Variants in OR9Q1 observed in about 807,000 individuals in gnomAD.
OR9Q1 encodes the protein olfactory receptor family 9 subfamily Q member 1, also known as olfactory receptor 9Q1.
For synonymous variants in OR9Q1, 153 were observed against 148.6 expected (o/e 1.03, Z -0.22); for missense variants, 374 against 378.8 (o/e 0.99, Z 0.11).
chr11:58,140,837 G>T (rs7128761), intron 2 of OR9Q1, among the ~76,000 whole-genome samples: 19,436 of 152,194 alleles, frequency 0.13, 1,995 homozygotes, highest in African/African-American at 0.24. Context: ...GTCATTGGTA[G>T]CTTGATGGGG....
intron 2 of OR9Q1, among the ~76,000 whole-genome samples, chr11:58,067,424 T>A (rs1051196561): frequency 1.3e-5 from 2 of 152,218 alleles, no homozygotes; most frequent in African/African-American, 4.8e-5. Context: ...GGGCCTCAGT[T>A]TCCCTCTCTG....
chr11:58,042,106 C>T (rs1440455683), intron 1 of OR9Q1, among the ~76,000 whole-genome samples: 1 of 152,108 alleles, frequency 6.6e-6, no homozygotes, highest in Admixed American at 6.5e-5. Context: ...CTTTTTAAAC[C>T]GTGCTACCCT....
At chr11:58,099,324 A>T (rs1321653829) in intron 2 of OR9Q1, among the ~76,000 whole-genome samples, 1 of 148,476 alleles carries the variant, frequency 6.7e-6, no homozygotes, top group Non-Finnish European at 1.5e-5. Flanking sequence ...AATATATAAA[A>T]CATATAACAT....
chr11:58,075,438 C>A (rs1853530356), intron 2 of OR9Q1: 1 of 152,234 alleles, frequency 6.6e-6, no homozygotes, highest in African/African-American at 2.4e-5. Context: ...TGCACGGCAG[C>A]TGTGCCCCCC....
At chr11:58,094,511 TACTC>T (rs1483116840) in intron 2 of OR9Q1, among the ~76,000 whole-genome samples, 1 of 152,146 alleles carries the variant, frequency 6.6e-6, no homozygotes, top group African/African-American at 2.4e-5. Context: ...TGAATTTAAA[TACTC>T]ACAATAATGT....
intron 2 of OR9Q1, among the ~76,000 whole-genome samples, chr11:58,110,026 G>A (rs1853884252): frequency 6.6e-6 from 1 of 152,138 alleles, no homozygotes; most frequent in Admixed American, 6.5e-5. Flanking sequence ...TGTGCATGAG[G>A]GCTGCCTCTA....
chr11:58,143,781 A>G (rs1854273352), intron 2 of OR9Q1, among the ~76,000 whole-genome samples: 1 of 152,146 alleles, frequency 6.6e-6, no homozygotes, highest in Non-Finnish European at 1.5e-5. Flanking sequence ...ATGGGTTGAT[A>G]GGTGCAGCAA....
At chr11:58,090,352 T>C (rs1853672797) in intron 2 of OR9Q1, among the ~76,000 whole-genome samples, 1 of 152,142 alleles carries the variant, frequency 6.6e-6, no homozygotes. Context: ...TGTTTTAGCA[T>C]AAAGGGTGTT....
At chr11:58,100,658 T>C (rs7120102) in intron 2 of OR9Q1, among the ~76,000 whole-genome samples, 33,842 of 152,006 alleles carry the variant, frequency 0.22, 4,254 homozygotes, top group Middle Eastern at 0.38. Flanking sequence ...TTTCTTATAG[T>C]TTGTGTCTAC....
intron 2 of OR9Q1, among the ~76,000 whole-genome samples, chr11:58,159,893 C>A (rs574814458): frequency 5.9e-4 from 90 of 152,294 alleles, no homozygotes; most frequent in African/African-American, 2.1e-3. Context: ...TTGATAGATG[C>A]CTCCGTCAAG....
At chr11:58,083,761 A>G (rs796094684) in intron 2 of OR9Q1, among the ~76,000 whole-genome samples, 1 of 151,734 alleles carries the variant, frequency 6.6e-6, no homozygotes, top group East Asian at 1.9e-4. Context: ...TGAAGATCAC[A>G]TGGTTGTAGG....
chr11:58,119,163 G>A (rs148409904), intron 2 of OR9Q1: 1,132 of 1,614,038 alleles, frequency 7.0e-4, no homozygotes, highest in Non-Finnish European at 8.8e-4. Flanking sequence ...CACAGTGGCC[G>A]TAGGAGATGA....
intron 2 of OR9Q1, among the ~76,000 whole-genome samples, chr11:58,109,864 G>T (rs1037892969): frequency 1.3e-5 from 2 of 152,118 alleles, no homozygotes; most frequent in African/African-American, 4.8e-5. Context: ...CCTGAAATTG[G>T]ACCTTGGTGC....
intron 2 of OR9Q1, chr11:58,075,381 A>G (rs1034674604): frequency 1.5e-4 from 23 of 152,366 alleles, no homozygotes; most frequent in African/African-American, 5.5e-4. Context: ...TTATTAAAGC[A>G]GACAGAACTT....
chr11:58,094,210 T>C (rs1271711045), intron 2 of OR9Q1, among the ~76,000 whole-genome samples: 1 of 152,172 alleles, frequency 6.6e-6, no homozygotes, highest in East Asian at 1.9e-4. Context: ...AAATACTGAA[T>C]GTTCTTACTT....
At chr11:58,154,418 G>A (rs1408045319) in intron 2 of OR9Q1, among the ~76,000 whole-genome samples, 1 of 148,122 alleles carries the variant, frequency 6.8e-6, no homozygotes, top group African/African-American at 2.5e-5. Context: ...AGCTGAGAGA[G>A]TTGAAAAGGA....
chr11:58,093,759 C>CAAAA (rs71061572), intron 2 of OR9Q1, among the ~76,000 whole-genome samples: 10 of 35,504 alleles, frequency 2.8e-4, no homozygotes, highest in Non-Finnish European at 3.9e-4. Context: ...GACTTCATCT[C>CAAAA]AAAAAAAAAA....
At chr11:58,134,508 G>T (rs1854172683) in intron 2 of OR9Q1, among the ~76,000 whole-genome samples, 1 of 152,168 alleles carries the variant, frequency 6.6e-6, no homozygotes, top group Admixed American at 6.5e-5. Flanking sequence ...GTGACCTGTG[G>T]ACTCTAAGTT....
At chr11:58,120,700 G>C (rs998525199) in intron 2 of OR9Q1, among the ~76,000 whole-genome samples, 5 of 150,856 alleles carry the variant, frequency 3.3e-5, no homozygotes, top group African/African-American at 1.2e-4. Flanking sequence ...ATTTTAGTTG[G>C]TAGCTATTGA....
Sources: gnomAD v4.1 joint callset for allele counts (sites outside exome capture counted in the v4.1 genomes callset) on GRCh38, gnomAD v4.1.1 for gene constraint, MANE v1.5 for transcripts, NCBI Gene and HGNC (gene_info 2026-07-23, HGNC 2026-07-21) for gene names.